The following TIAL1 variants were observed in gnomAD, a reference collection of about 807,000 sequenced individuals.
The protein encoded by TIAL1 is nucleolysin TIAR.
In TIAL1, 7 loss-of-function variants were observed where a neutral mutation model predicts 59.7. The ratio of observed to expected loss-of-function variants is 0.12; its 90% CI spans 0.07 to 0.22. The LOEUF (loss-of-function observed/expected upper bound fraction) is 0.22, where lower values mean the gene tolerates loss of function less well. Among genes scored for constraint, TIAL1 ranks in the 10% least tolerant of loss-of-function variants. The pLI, the probability that TIAL1 is intolerant of heterozygous loss-of-function variation, is 1.00. For missense variants in TIAL1, 225 were observed against 462.5 expected (o/e 0.49, Z 4.71); for synonymous variants, 149 against 146.3 (o/e 1.02, Z -0.13).
At chr10:119,592,329 A>C (rs547616646) in intron 1 of TIAL1, 1 of 152,332 alleles carries the variant, frequency 6.6e-6, no homozygotes, top group African/African-American at 2.4e-5. Context: ...TGACACCTTT[A>C]TCTCTAATAT....
chr10:119,574,586 C>CAAAAAATAAAAAAAA lies in TIAL1; in HGVS notation c.*1078_*1079insTTTTTTTTATTTTTT, dbSNP rs1844870418. On this transcript the variant is annotated 3_prime_UTR_variant, in exon 12 of 12. Transcript: ENST00000436547. ...TATTTACATACCAAGTAATGTAAAG[C>CAAAAAATAAAAAAAA]AAAAAAAAAAAAAAAAAAAAACAAA... The CAAAAAATAAAAAAAA allele has an allele frequency of 1.2e-5, 1 of 86,550 alleles. No individual in the cohort carries two copies. The highest frequency in any genetic ancestry group is 4.3e-5 in the African/African-American group (1 of 23,282). The allele number at this position is 86,550 out of a possible 1,614,324, so 5.4% of individuals were successfully genotyped here.
intron 1 of TIAL1, among the ~76,000 whole-genome samples, chr10:119,590,721 TAAAA>T (rs918481786): frequency 9.8e-6 from 1 of 101,536 alleles, no homozygotes; most frequent in Non-Finnish European, 2.2e-5. Flanking sequence ...AAAAAATAAA[TAAAA>T]AAGAAAGAGA....
intron 1 of TIAL1, among the ~76,000 whole-genome samples, chr10:119,594,039 A>G (rs962039108): frequency 1.3e-5 from 2 of 151,600 alleles, no homozygotes; most frequent in Non-Finnish European, 2.9e-5. Context: ...CTGTGGGGGT[A>G]AGACCTAGGA....
At chr10:119,584,658 T>C (rs1453989047) in intron 2 of TIAL1, among the ~76,000 whole-genome samples, 1 of 151,888 alleles carries the variant, frequency 6.6e-6, no homozygotes, top group Non-Finnish European at 1.5e-5. Flanking sequence ...GAGACCCCCA[T>C]CTCTACCAAA....
At position 119,575,724 on chromosome 10, in the gene TIAL1, G is replaced by A. The variant is rs752779827; in HGVS notation, c.1069C>T (p.Pro357Ser). 1 of 1,610,934 alleles carries A rather than the reference G, an allele frequency of 6.2e-7. No homozygotes were observed. The highest frequency in any genetic ancestry group is 8.5e-7 in the Non-Finnish European group (1 of 1,178,674). The change falls in exon 12 of 12, where the codon CCT becomes TCT. Residue 357 changes from proline to serine, a missense_variant. Coordinates refer to ENST00000436547, the MANE Select transcript of TIAL1 (RefSeq NM_003252.4). ...GCTTGGTTAGGAGGAGGTATTACAGGGGGAGGAGCTTGTCCTTGGGGAGGC... is the reference window on the plus strand; with the variant it reads ...GCTTGGTTAGGAGGAGGTATTACAGAGGGAGGAGCTTGTCCTTGGGGAGGC... The part of the protein sequence containing the change: ...AQPPQGQAPP[P>S]VIPPPNQAGY...
intron 5 of TIAL1, among the ~76,000 whole-genome samples, chr10:119,581,456 G>T (rs1219504209): frequency 6.6e-6 from 1 of 151,800 alleles, no homozygotes; most frequent in Non-Finnish European, 1.5e-5. Flanking sequence ...AATAAAACAT[G>T]AACATTTCCA....
At chr10:119,584,869 G>C (rs779939254) in intron 2 of TIAL1, among the ~76,000 whole-genome samples, 29 of 151,992 alleles carry the variant, frequency 1.9e-4, no homozygotes, top group Non-Finnish European at 3.4e-4. Context: ...CACTTTGGGA[G>C]GGCGAGGTGG....
At position 119,581,317 on chromosome 10, in the gene TIAL1, T is replaced by C. The variant is rs115489881; in HGVS notation, c.371+605A>G. Among the ~76,000 whole-genome samples the C allele has an allele frequency of 9.4e-3, 1,426 of 152,114 alleles. 20 individuals carry two copies. Among genetic ancestry groups the C allele is most frequent in the African/African-American group, 0.033 (1,363 of 41,556 alleles). On this transcript the variant is annotated intron_variant, in intron 5 of 11. Transcript: ENST00000436547. ...AATCAAACCACATTTGCCTCTTAAC[T>C]AGTAGAATCAAATATCACTAACAAA...
chr10:119,595,963 G>A (rs1846157052), intron 1 of TIAL1, among the ~76,000 whole-genome samples: 1 of 151,930 alleles, frequency 6.6e-6, no homozygotes, highest in South Asian at 2.1e-4. Flanking sequence ...AGAAGAGCTG[G>A]GAGCGACTCG....
Position 119,596,422 on chromosome 10 carries a change from T to G in TIAL1, c.32+12A>C. ...CTCTTGGCGCCTGGCACCCCTCGTC[T>G]CGGGTACTCACAGAGTCCGGGGCTG... On this transcript the variant is annotated intron_variant, in intron 1 of 11. Transcript: ENST00000436547. The G allele has an allele frequency of 6.2e-7, 1 of 1,606,722 alleles. No individual in the cohort carries two copies. Among genetic ancestry groups the G allele is most frequent in the Non-Finnish European group, 8.5e-7 (1 of 1,176,806 alleles).
rs1844945689 is a variant in TIAL1 at position 119,575,590 on chromosome 10, C to CT, written c.*74dup. 1 of 1,551,144 alleles carries CT rather than the reference C, an allele frequency of 6.4e-7. No individual in the cohort carries two copies. The highest frequency in any genetic ancestry group is 2.3e-5 in the East Asian group (1 of 44,134). On this transcript the variant is annotated 3_prime_UTR_variant, in exon 12 of 12. Transcript: ENST00000436547. ...AATAAATATTTTCATTTTCCGATGT[C>CT]TACTTTCATGTCTTCAGAGTGTCAC...
chr10:119,582,824 G>A lies in TIAL1; in HGVS notation c.130-267C>T, dbSNP rs1320480764. Among the ~76,000 whole-genome samples the A allele has an allele frequency of 1.3e-5, 2 of 152,102 alleles. No homozygotes were observed. Among genetic ancestry groups the A allele is most frequent in the Non-Finnish European group, 2.9e-5 (2 of 67,976 alleles). Reference sequence around the variant, plus strand: ...TGAAAATAAAGAATTCTGGTGAAGTGTGTTAAATATAAAATAGAAGATTAT... The same window carrying A: ...TGAAAATAAAGAATTCTGGTGAAGTATGTTAAATATAAAATAGAAGATTAT... On this transcript the variant is annotated intron_variant, in intron 2 of 11. Transcript: ENST00000436547. This position sits in a 1 kb window ranked among gnomAD's most constrained non-coding sequence, Gnocchi z 5.1.
intron 1 of TIAL1, among the ~76,000 whole-genome samples, chr10:119,591,534 C>T (rs1266551742): frequency 6.6e-6 from 1 of 151,888 alleles, no homozygotes. Context: ...AAGATGAAAA[C>T]GTTAATATCT....
rs2133983342 is a variant in TIAL1 at position 119,575,478 on chromosome 10, C to T, written c.*187G>A. ...AAATCATGTTCATATCCATCATGAACAAAAACTTAAAAAGGCAGAACTAGA... is the reference window on the plus strand; with the variant it reads ...AAATCATGTTCATATCCATCATGAATAAAAACTTAAAAAGGCAGAACTAGA... On this transcript the variant is annotated 3_prime_UTR_variant, in exon 12 of 12. Transcript: ENST00000436547. 1.7e-6 allele frequency: 1 copy of T among 604,346 alleles called. No individual in the cohort carries two copies. Among genetic ancestry groups the T allele is most frequent in the Non-Finnish European group, 2.6e-6 (1 of 379,046 alleles). The allele number at this position is 604,346 out of a possible 1,614,324, so 37.4% of individuals were successfully genotyped here.
chr10:119,580,402 A>T, intron 5 of TIAL1: 1 of 608,570 alleles, frequency 1.6e-6, no homozygotes, highest in Non-Finnish European at 2.1e-6. Flanking sequence ...TCTTCTGCCT[A>T]GTGATACAAA....
intron 1 of TIAL1, among the ~76,000 whole-genome samples, chr10:119,590,762 G>GAGAAAGAAAGAGAGAAAGAA (rs1845819397): frequency 8.0e-6 from 1 of 125,292 alleles, no homozygotes; most frequent in Non-Finnish European, 1.7e-5. Flanking sequence ...GAGAGAAAGA[G>GAGAAAGAAAGAGAGAAAGAA]AGAAAGAAAG....
Position 119,596,583 on chromosome 10 carries a change from C to G in TIAL1, c.-118G>C. The G allele has an allele frequency of 1.2e-6, 1 of 802,908 alleles. No individual in the cohort carries two copies. The highest frequency in any genetic ancestry group is 2.0e-6 in the Non-Finnish European group (1 of 510,504). 49.7% of individuals were successfully genotyped at this position (802,908 alleles called of 1,614,324 possible). ...CGGCTGGGGACAGAGGAAAAGGCAC[C>G]GAACCCTGCTCTCGGGCTCTCTCCC... On this transcript the variant is annotated 5_prime_UTR_variant, in exon 1 of 12. Coordinates refer to ENST00000436547, the MANE Select transcript of TIAL1 (RefSeq NM_003252.4).
chr10:119,579,662 G>T (rs1023405824), intron 6 of TIAL1, among the ~76,000 whole-genome samples: 6 of 152,160 alleles, frequency 3.9e-5, no homozygotes, highest in Admixed American at 6.5e-5. Context: ...CTAGACTTGG[G>T]CTTTACTTCT....
rs923510774 is a variant in TIAL1, at chr10:119,579,850, A to T, written c.447+85T>A. 8.9e-6 allele frequency: 9 copies of T among 1,010,636 alleles called. No individual in the cohort carries two copies. The East Asian group carries it at 2.5e-4, about 28-fold the overall frequency. The allele number at this position is 1,010,636 out of a possible 1,614,324, so 62.6% of individuals were successfully genotyped here. ...TTGTGTTTGTAGTTAACATTCAAGT[A>T]TATTCAAGTTTCAGATTCAATACAT... is the stretch of plus-strand genomic sequence containing the variant. On this transcript the variant is annotated intron_variant, in intron 6 of 11. Coordinates refer to ENST00000436547, the MANE Select transcript of TIAL1 (RefSeq NM_003252.4).
Sources: gnomAD v4.1 joint callset for allele counts (sites outside exome capture counted in the v4.1 genomes callset) on GRCh38, gnomAD v4.1.1 for gene constraint, Gnocchi (gnomAD v3.1) non-coding constraint, MANE v1.5 for transcripts, NCBI Gene and HGNC (gene_info 2026-07-23, HGNC 2026-07-21) for gene names.